ITGBL1: variants seen among roughly 807,000 people sequenced by gnomAD.
ITGBL1 encodes integrin subunit beta like 1.
In ITGBL1, 51 loss-of-function variants were observed where a neutral mutation model predicts 68.5. That is an observed-to-expected ratio of 0.74 (90% CI 0.59 to 0.94). The LOEUF (loss-of-function observed/expected upper bound fraction) is 0.94. Among genes scored for constraint, ITGBL1 ranks in the 40% least tolerant of loss-of-function variants. The pLI, the probability that ITGBL1 is intolerant of heterozygous loss-of-function variation, is 0.00. For missense variants in ITGBL1, 649 were observed against 647.4 expected (o/e 1.00, Z -0.03); for synonymous variants, 209 against 227.3 (o/e 0.92, Z 0.72).
chr13:101,520,295 CA>C (rs1242250762), intron 2 of ITGBL1, among the ~76,000 whole-genome samples: 1 of 152,180 alleles, frequency 6.6e-6, no homozygotes, highest in African/African-American at 2.4e-5. Flanking sequence ...TGAGTACGAT[CA>C]AAACTCCAGA....
intron 7 of ITGBL1, among the ~76,000 whole-genome samples, chr13:101,626,589 T>A (rs2031787063): frequency 1.3e-5 from 2 of 152,118 alleles, no homozygotes; most frequent in South Asian, 4.1e-4. Context: ...CTTGTGACAG[T>A]CCTTTGCATA....
intron 2 of ITGBL1, among the ~76,000 whole-genome samples, chr13:101,473,205 G>A (rs561551580): frequency 2.6e-5 from 4 of 152,262 alleles, no homozygotes; most frequent in African/African-American, 9.6e-5. Flanking sequence ...CCAGATGAGT[G>A]ATCACAGTAC....
chr13:101,701,335 C>T (rs1050956850), intron 8 of ITGBL1, among the ~76,000 whole-genome samples: 2 of 152,044 alleles, frequency 1.3e-5, no homozygotes, highest in Non-Finnish European at 1.5e-5. Flanking sequence ...GAGATCAAGA[C>T]CATCCTGGCC....
At chr13:101,529,852 C>T (rs559970479) in intron 2 of ITGBL1, among the ~76,000 whole-genome samples, 1 of 152,280 alleles carries the variant, frequency 6.6e-6, no homozygotes, top group South Asian at 2.1e-4. Context: ...TCAATTAAAC[C>T]TCCTTCCTTT....
chr13:101,598,615 G>C (rs1202968741), intron 7 of ITGBL1, among the ~76,000 whole-genome samples: 1 of 152,038 alleles, frequency 6.6e-6, no homozygotes, highest in Non-Finnish European at 1.5e-5. Context: ...TCCCCAGTGT[G>C]TGATGTTCCC....
chr13:101,552,488 GT>G (rs994237169), intron 2 of ITGBL1, among the ~76,000 whole-genome samples: 143 of 152,306 alleles, frequency 9.4e-4, no homozygotes, highest in African/African-American at 3.3e-3. Flanking sequence ...AAATGCAGAT[GT>G]TTTTGTGATA....
At chr13:101,656,599 T>C (rs142804377) in intron 7 of ITGBL1, among the ~76,000 whole-genome samples, 392 of 152,312 alleles carry the variant, frequency 2.6e-3, no homozygotes, top group African/African-American at 8.9e-3. Context: ...TAGTCCTTAA[T>C]ATCCAGAGAA....
At chr13:101,590,603 T>C (rs571024442) in intron 6 of ITGBL1, among the ~76,000 whole-genome samples, 1 of 152,306 alleles carries the variant, frequency 6.6e-6, no homozygotes, top group East Asian at 1.9e-4. Flanking sequence ...TTCAATGTTA[T>C]TGTTAAAGTG....
At chr13:101,534,477 C>A (rs1479938435) in intron 2 of ITGBL1, among the ~76,000 whole-genome samples, 3 of 152,010 alleles carry the variant, frequency 2.0e-5, no homozygotes, top group Non-Finnish European at 4.4e-5. Flanking sequence ...AGAAGGACTC[C>A]AAGATTCACA....
intron 7 of ITGBL1, among the ~76,000 whole-genome samples, chr13:101,615,428 T>G (rs1249069212): frequency 6.6e-6 from 1 of 152,194 alleles, no homozygotes; most frequent in Non-Finnish European, 1.5e-5. Flanking sequence ...CCAGAGATAT[T>G]TATTCAGAAA....
intron 2 of ITGBL1, among the ~76,000 whole-genome samples, chr13:101,492,568 G>C (rs1236229079): frequency 1.4e-4 from 21 of 152,174 alleles, no homozygotes; most frequent in Non-Finnish European, 5.9e-5. Context: ...TAAGAGGGTG[G>C]TCTGGATTCA....
intron 3 of ITGBL1, among the ~76,000 whole-genome samples, chr13:101,574,675 CCT>C (rs1460525191): frequency 4.6e-5 from 7 of 152,066 alleles, no homozygotes; most frequent in African/African-American, 1.7e-4. Flanking sequence ...GGGCATTCTA[CCT>C]CTCAAAATTG....
chr13:101,638,532 T>TCACAGTTCCA (rs2032252246), intron 7 of ITGBL1, among the ~76,000 whole-genome samples: 2 of 151,586 alleles, frequency 1.3e-5, no homozygotes, highest in Admixed American at 1.3e-4. Flanking sequence ...TTTAATGGAG[T>TCACAGTTCCA]CACAGTTCCA....
At chr13:101,506,511 G>C (rs1330364748) in intron 2 of ITGBL1, among the ~76,000 whole-genome samples, 1 of 152,140 alleles carries the variant, frequency 6.6e-6, no homozygotes, top group Non-Finnish European at 1.5e-5. Context: ...CAAGTATTCA[G>C]GGTGAAGTAG....
intron 2 of ITGBL1, among the ~76,000 whole-genome samples, chr13:101,517,204 A>G (rs2049209308): frequency 6.6e-6 from 1 of 152,258 alleles, no homozygotes; most frequent in South Asian, 2.1e-4. Context: ...TGAATTCCCA[A>G]CACAGAGAGA....
rs74364664 is a variant in ITGBL1 at position 101,576,964 on chromosome 13, A to G, written c.586+1418A>G. Among the ~76,000 whole-genome samples the G allele has an allele frequency of 4.8e-4, 73 of 151,154 alleles. 1 individual carries two copies. Among genetic ancestry groups the G allele is most frequent in the East Asian group, 1.7e-3 (9 of 5,146 alleles). On this transcript the variant is annotated intron_variant, in intron 4 of 10. Transcript: ENST00000376180. ...AATTATTATAGATGGAAAAAAAAAA[A>G]AAGAAGAAGACGGGAACATGCTTTG...
chr13:101,534,599 G>T (rs1196153030), intron 2 of ITGBL1, among the ~76,000 whole-genome samples: 1 of 152,134 alleles, frequency 6.6e-6, no homozygotes, highest in Admixed American at 6.6e-5. Flanking sequence ...CCAGTGAGAA[G>T]AAATCTTAGT....
At chr13:101,555,013 A>T (rs1388368917) in intron 2 of ITGBL1, among the ~76,000 whole-genome samples, 1 of 152,206 alleles carries the variant, frequency 6.6e-6, no homozygotes, top group East Asian at 1.9e-4. Context: ...AAACAACATC[A>T]TAGTTAAACA....
intron 7 of ITGBL1, among the ~76,000 whole-genome samples, chr13:101,614,693 T>G (rs1015917957): frequency 6.6e-6 from 1 of 152,096 alleles, no homozygotes; most frequent in African/African-American, 2.4e-5. Context: ...TTCTGAGAAG[T>G]GAGGCGCATG....
Sources: gnomAD v4.1 joint callset for allele counts (sites outside exome capture counted in the v4.1 genomes callset) on GRCh38, gnomAD v4.1.1 for gene constraint, MANE v1.5 for transcripts, NCBI Gene and HGNC (gene_info 2026-07-23, HGNC 2026-07-21) for gene names.